SPECC1L: variants seen among roughly 807,000 people sequenced by gnomAD.
SPECC1L encodes sperm antigen with calponin homology and coiled-coil domains 1 like.
SPECC1L carries 40 observed loss-of-function variants against 116.8 expected under a neutral mutation model. The ratio of observed to expected loss-of-function variants is 0.34; its 90% confidence interval spans 0.27 to 0.45. SPECC1L has a LOEUF of 0.45. Among genes scored for constraint, SPECC1L ranks in the 20% least tolerant of loss-of-function variants. SPECC1L has a pLI of 1.00. For missense variants in SPECC1L, 1,110 were observed against 1,373.6 expected, an observed-to-expected ratio of 0.81 and a Z score of 3.03; for synonymous variants, 504 against 500.6, an observed-to-expected ratio of 1.01 and a Z score of -0.09.
intron 14 of SPECC1L, among the ~76,000 whole-genome samples, chr22:24,376,154 A>G (rs1009881030): frequency 2.1e-4 from 32 of 152,184 alleles, no homozygotes; most frequent in African/African-American, 7.7e-4. Context: ...GATAGGAAAA[A>G]AAGTAAAATG....
intron 2 of SPECC1L, among the ~76,000 whole-genome samples, chr22:24,285,236 T>C (rs1344890509): frequency 6.6e-6 from 1 of 152,158 alleles, no homozygotes; most frequent in South Asian, 2.1e-4. Context: ...AAAGTAAGTT[T>C]AGGATAAAGG....
At chr22:24,342,270 A>C (rs1356620944) in intron 10 of SPECC1L, among the ~76,000 whole-genome samples, 1 of 152,236 alleles carries the variant, frequency 6.6e-6, no homozygotes, top group Non-Finnish European at 1.5e-5. Context: ...GCAGACCTAG[A>C]ACGGATAGAA....
chr22:24,314,917 A>T (rs1441770231), intron 4 of SPECC1L, among the ~76,000 whole-genome samples: 2 of 152,244 alleles, frequency 1.3e-5, no homozygotes, highest in Admixed American at 1.3e-4. Context: ...TAATTCTGCC[A>T]TCTTTCTTCA....
At chr22:24,302,147 GCTTC>G in intron 2 of SPECC1L, 44 bp from the exon 3 acceptor site, 2 of 1,379,878 alleles carry the variant, frequency 1.4e-6, no homozygotes, top group Non-Finnish European at 2.0e-6. Flanking sequence ...TTTCTAAAGC[GCTTC>G]CTTCCAGTTA....
In SPECC1L at chr22:24,289,111, C is replaced by G. The variant is rs373945398; in HGVS notation, c.-38+12308C>G. Among the ~76,000 whole-genome samples, 128 of 152,308 alleles carry G rather than the reference C, an allele frequency of 8.4e-4. 2 individuals carry two copies. The South Asian group carries it at 0.026, about 31-fold the overall frequency. On this transcript the variant is annotated intron_variant, in intron 2 of 16. Coordinates refer to ENST00000314328, the MANE Select transcript of SPECC1L (RefSeq NM_015330.6). The stretch of plus-strand genomic sequence containing the variant: ...CGATACCAAATTGTGCAAGTTTAAA[C>G]TGCCTGCCAAGAGTCTGAGCATAAA...
At chr22:24,379,403 T>A (rs1191352375) in intron 14 of SPECC1L, among the ~76,000 whole-genome samples, 1 of 151,818 alleles carries the variant, frequency 6.6e-6, no homozygotes, top group Non-Finnish European at 1.5e-5. Flanking sequence ...AAAAAAAAAT[T>A]TACTTCCTCT....
Position 24,322,403 on chromosome 22 carries a change from A to G in SPECC1L, c.1423A>G (p.Ile475Val). Residue 475 changes from isoleucine to valine, a missense_variant, in exon 5 of 17, where the codon ATT (isoleucine) becomes GTT (valine). Ile to Val is a conservative substitution (Grantham distance 29). This residue lies in a region of SPECC1L where 575 missense variants were observed against 682.4 expected (regional missense o/e 0.84). Coordinates refer to ENST00000314328, the MANE Select transcript of SPECC1L (RefSeq NM_015330.6). Reference sequence around the variant, plus strand: ...CCGCTCTCTTCTAGATGAGCATCACATTTCTTATGTCATAGATGAAGATGT... The same window carrying G: ...CCGCTCTCTTCTAGATGAGCATCACGTTTCTTATGTCATAGATGAAGATGT... ...YFRSLLDEHH[I>V]SYVIDEDVKS... 2 of 1,614,186 alleles carry G rather than the reference A, an allele frequency of 1.2e-6. No homozygotes were observed. Among genetic ancestry groups the G allele is most frequent in the Non-Finnish European group, 8.5e-7 (1 of 1,180,038 alleles).
At chr22:24,309,442 C>A (rs2040416668) in intron 3 of SPECC1L, among the ~76,000 whole-genome samples, 1 of 152,142 alleles carries the variant, frequency 6.6e-6, no homozygotes, top group African/African-American at 2.4e-5. Flanking sequence ...AGCTCTGTCG[C>A]CAGGCTGGAG....
At position 24,416,182 on chromosome 22, in the gene SPECC1L, G is replaced by A. The variant is rs1202739004; in HGVS notation, c.*1559G>A. ...CCTAGAATGTGGTTATTAGGAAAGG[G>A]GCTGTGCATGTGGGTGCAGCTGGCG... On this transcript the variant is annotated 3_prime_UTR_variant, in exon 17 of 17. Transcript: ENST00000314328. 6.6e-6 allele frequency: 1 copy of A among 152,252 alleles called. No individual in the cohort carries two copies. Among genetic ancestry groups the A allele is most frequent in the Non-Finnish European group, 1.5e-5 (1 of 68,046 alleles). 9.4% of individuals were successfully genotyped at this position (152,252 alleles called of 1,614,324 possible). A position where few individuals can be genotyped will look rare whatever the true frequency, so the allele number is the denominator to read the frequency against.
At chr22:24,343,216 A>G (rs1005118718) in intron 10 of SPECC1L, among the ~76,000 whole-genome samples, 2 of 152,114 alleles carry the variant, frequency 1.3e-5, no homozygotes, top group Non-Finnish European at 1.5e-5. Flanking sequence ...TTTTTTGAGG[A>G]AATAATAGCC....
At chr22:24,375,237 C>G (rs1459540754) in intron 14 of SPECC1L, among the ~76,000 whole-genome samples, 3 of 152,168 alleles carry the variant, frequency 2.0e-5, no homozygotes, top group Non-Finnish European at 4.4e-5. Flanking sequence ...CTGGTTAATT[C>G]TTCCAAATTT....
Position 24,417,221 on chromosome 22 carries a change from T to G in SPECC1L, c.*2598T>G, listed in dbSNP as rs1255758524. On this transcript the variant is annotated 3_prime_UTR_variant, in exon 17 of 17. Transcript: ENST00000314328. ...CGTTTAAATGTTGTTCTAGTAAATA[T>G]TCTTGAATGTATTAAAATGGCTGAA... 2 of 152,604 alleles carry G rather than the reference T, an allele frequency of 1.3e-5. No homozygotes were observed. Among genetic ancestry groups the G allele is most frequent in the Admixed American group, 1.3e-4 (2 of 15,288 alleles). 9.5% of individuals were successfully genotyped at this position (152,604 alleles called of 1,614,324 possible). A position where few individuals can be genotyped will look rare whatever the true frequency, so the allele number is the denominator to read the frequency against.
intron 14 of SPECC1L, among the ~76,000 whole-genome samples, chr22:24,378,113 C>CTTAGCTAGATCTTCTGGGTAACTTA (rs1378374530): frequency 2.6e-5 from 4 of 152,230 alleles, no homozygotes; most frequent in African/African-American, 7.2e-5. Flanking sequence ...CATCAGTGAT[C>CTTAGCTAGATCTTCTGGGTAACTTA]TTAGCTAGAT....
intron 2 of SPECC1L, among the ~76,000 whole-genome samples, chr22:24,277,065 T>C (rs2048850695): frequency 6.6e-6 from 1 of 152,278 alleles, no homozygotes; most frequent in Non-Finnish European, 1.5e-5. Flanking sequence ...TCATTGCAGT[T>C]ACTTAGGTTT....
rs1370339731 is a variant in SPECC1L at position 24,365,470 on chromosome 22, TCA to T, written c.2828-3_2828-2del. The T allele has an allele frequency of 1.9e-6, 3 of 1,614,030 alleles. No homozygotes were observed. The highest frequency in any genetic ancestry group is 1.7e-6 in the Non-Finnish European group (2 of 1,179,954). ...CTATAGAGTGCATAATGACTATTTC[TCA>T]CAGTGTCTCGACGAAGTAGTGAAGA... On this transcript the variant is annotated splice_region_variant and splice_polypyrimidine_tract_variant and intron_variant, in intron 12 of 16. Transcript: ENST00000314328.
At position 24,349,846 on chromosome 22, in the gene SPECC1L, A is replaced by T. The variant is rs115663924; in HGVS notation, c.2743+2670A>T. 9.3e-3 allele frequency among the ~76,000 whole-genome samples: 1,414 copies of T among 152,300 alleles called. 19 individuals are homozygous for T. The highest frequency in any genetic ancestry group is 0.032 in the African/African-American group (1,321 of 41,558). ...TCTCTCAGCTGGGTTCTGGCAAAAG[A>T]TTCCTAATCACCCTCAGTGTCTGTT... is the stretch of plus-strand genomic sequence containing the variant. On this transcript the variant is annotated intron_variant, in intron 11 of 16. Coordinates refer to ENST00000314328, the MANE Select transcript of SPECC1L (RefSeq NM_015330.6).
At chr22:24,287,731 A>G (rs1413125634) in intron 2 of SPECC1L, among the ~76,000 whole-genome samples, 2 of 152,112 alleles carry the variant, frequency 1.3e-5, no homozygotes, top group East Asian at 1.9e-4. Flanking sequence ...TTTACAGTGG[A>G]TCTGATATTA....
chr22:24,370,090 C>T (rs1321530145), intron 14 of SPECC1L, among the ~76,000 whole-genome samples: 1 of 152,224 alleles, frequency 6.6e-6, no homozygotes, highest in Non-Finnish European at 1.5e-5. Flanking sequence ...GACTTCATCT[C>T]ACCAAAATGG....
At chr22:24,412,312 TG>T in intron 15 of SPECC1L, 1 of 399,402 alleles carries the variant, frequency 2.5e-6, no homozygotes, top group Non-Finnish European at 4.8e-6. Context: ...AAGATCCCTG[TG>T]GGGGAAGCTC....
Sources: allele counts gnomAD v4.1 joint callset (sites outside exome capture counted in the v4.1 genomes callset), GRCh38; gene constraint gnomAD v4.1.1; regional missense constraint gnomAD v4.1.1; transcripts MANE v1.5; gene names NCBI Gene and HGNC (gene_info 2026-07-23, HGNC 2026-07-21).